The following CEP192 variants were observed in gnomAD, a reference collection of about 807,000 sequenced individuals.
CEP192 encodes centrosomal protein 192.
CEP192 carries 151 observed loss-of-function variants against 271.8 expected under a neutral mutation model. The observed-to-expected ratio is 0.56, with a 90% CI of 0.49 to 0.64. CEP192 has a LOEUF of 0.64. Ranked by LOEUF, CEP192 falls within the 30% of genes least tolerant of loss-of-function variation. CEP192 has a pLI of 0.00. For synonymous variants in CEP192, 995 were observed against 1,076.5 expected (o/e 0.92, Z 1.48); for missense variants, 2,910 against 3,020.5 (o/e 0.96, Z 0.86).
intron 4 of CEP192, among the ~76,000 whole-genome samples, chr18:13,011,573 G>A (rs1411208605): frequency 1.3e-5 from 2 of 152,082 alleles, no homozygotes; most frequent in East Asian, 1.9e-4. Flanking sequence ...CACCTAGTGC[G>A]TGGTGTGATC....
At chr18:13,061,949 G>T (rs1037889418) in intron 21 of CEP192, among the ~76,000 whole-genome samples, 2 of 152,120 alleles carry the variant, frequency 1.3e-5, no homozygotes, top group Admixed American at 6.5e-5. Context: ...CACTATATCA[G>T]ACTGTTGAGC....
rs139326174 is a variant in CEP192 at position 13,013,153 on chromosome 18, T to C, written c.519+128T>C. 136 of 542,134 alleles carry C rather than the reference T, an allele frequency of 2.5e-4. 1 individual carries two copies. In the East Asian group the frequency reaches 4.2e-3, roughly 17 times the overall value. 33.6% of individuals were successfully genotyped at this position (542,134 alleles called of 1,614,324 possible). On this transcript the variant is annotated intron_variant, in intron 5 of 44. Coordinates refer to ENST00000506447, the MANE Select transcript of CEP192 (RefSeq NM_032142.4). ...TTTTTTCTAGTAGAGCTCTAACTTA[T>C]CCAGCTTCAGTAAAAATGGGAGTTT... is the stretch of plus-strand genomic sequence containing the variant.
rs759527226 is a variant in CEP192, at chr18:13,049,177, G to A, written c.2386G>A (p.Ala796Thr). The stretch of plus-strand genomic sequence containing the variant: ...AACAGAAGTTAGTAGATATGAAAGT[G>A]CATTGGAAAACTTTTCAAGGGCTAG... ...KKTEVSRYES[A>T]LENFSRASMS... Residue 796 changes from alanine (A) to threonine (T), a missense_variant, in exon 16 of 45, where the codon GCA becomes ACA. Transcript: ENST00000506447. 1 of 1,613,962 alleles carries A rather than the reference G, an allele frequency of 6.2e-7. No homozygotes were observed. Among genetic ancestry groups the A allele is most frequent in the Non-Finnish European group, 8.5e-7 (1 of 1,179,992 alleles).
At chr18:13,064,285 C>T (rs1458900164) in intron 21 of CEP192, among the ~76,000 whole-genome samples, 2 of 151,488 alleles carry the variant, frequency 1.3e-5, no homozygotes. Context: ...CAGTCTTTTC[C>T]CAAGTGTATG....
At chr18:13,018,284 G>A (rs1352082680) in intron 7 of CEP192, among the ~76,000 whole-genome samples, 196 bp from the exon 8 acceptor site, 1 of 151,994 alleles carries the variant, frequency 6.6e-6, no homozygotes, top group African/African-American at 2.4e-5. Context: ...CTTATTCCCC[G>A]GCAACTCTTC....
chr18:13,114,091 T>C (rs757154963), intron 41 of CEP192, 39 bp from the exon 42 acceptor site: 1 of 1,579,074 alleles, frequency 6.3e-7, no homozygotes. Context: ...TTTCTTAGTT[T>C]TTATTTCTTC....
At chr18:13,098,530 ACATCC>A in intron 36 of CEP192, among the ~76,000 whole-genome samples, 1 of 142,558 alleles carries the variant, frequency 7.0e-6, no homozygotes, top group Non-Finnish European at 1.5e-5. Flanking sequence ...GGCGCTCCTC[ACATCC>A]CAGACTGGGC....
At chr18:13,081,509 A>G (rs910643767) in intron 30 of CEP192, among the ~76,000 whole-genome samples, 2 of 152,126 alleles carry the variant, frequency 1.3e-5, no homozygotes, top group Non-Finnish European at 2.9e-5. Flanking sequence ...TATTGCATCT[A>G]TTTGATTCTT....
At chr18:13,066,963 C>CTGTGTGTGTGTG (rs56795701) in intron 21 of CEP192, among the ~76,000 whole-genome samples, 2,824 of 143,464 alleles carry the variant, frequency 0.02, 85 homozygotes, top group African/African-American at 0.061. Context: ...GTGAGCACGT[C>CTGTGTGTGTGTG]TGTGTGTGTG....
intron 38 of CEP192, among the ~76,000 whole-genome samples, chr18:13,101,576 G>A (rs966039395): frequency 6.6e-6 from 1 of 152,030 alleles, no homozygotes; most frequent in Non-Finnish European, 1.5e-5. Flanking sequence ...CAGTGTTGTC[G>A]GGGGACCTGT....
intron 30 of CEP192, among the ~76,000 whole-genome samples, chr18:13,076,507 A>T (rs1487922252): frequency 1.3e-5 from 2 of 152,038 alleles, no homozygotes; most frequent in Non-Finnish European, 2.9e-5. Flanking sequence ...TGAGCCACGC[A>T]CCCGGCCAAT....
In CEP192 at chr18:13,055,822, A is replaced by G; in HGVS notation, c.3232A>G (p.Ser1078Gly). Reference protein sequence around the residue: ...SELSTTIIQGSPAALEERAME... With the variant: ...SELSTTIIQGGPAALEERAME... Reference sequence around the variant, plus strand: ...GTTGAGTACCACAATTATTCAAGGCAGTCCAGCCGCATTGGAGGAACGGGC... The same window carrying G: ...GTTGAGTACCACAATTATTCAAGGCGGTCCAGCCGCATTGGAGGAACGGGC... The change falls in exon 19 of 45, where the codon AGT (serine) becomes GGT (glycine). Residue 1078 changes from serine (S) to glycine (G), a missense_variant. Transcript: ENST00000506447. 1 of 1,602,070 alleles carries G rather than the reference A, an allele frequency of 6.2e-7. No homozygotes were observed. The highest frequency in any genetic ancestry group is 8.5e-7 in the Non-Finnish European group (1 of 1,175,238).
At chr18:13,019,630 A>C (rs1341415194) in intron 9 of CEP192, among the ~76,000 whole-genome samples, 2 of 152,106 alleles carry the variant, frequency 1.3e-5, no homozygotes, top group African/African-American at 4.8e-5. Context: ...GTGTTATTAT[A>C]GTTTTATAAA....
intron 40 of CEP192, among the ~76,000 whole-genome samples, chr18:13,105,621 T>C (rs1230776737): frequency 1.3e-5 from 2 of 152,258 alleles, no homozygotes; most frequent in Non-Finnish European, 2.9e-5. Flanking sequence ...AAGTAAGTTA[T>C]AGAATGTAGC....
intron 40 of CEP192, among the ~76,000 whole-genome samples, chr18:13,107,071 T>C (rs183318157): frequency 6.6e-6 from 1 of 151,532 alleles, no homozygotes; most frequent in Admixed American, 6.6e-5. Flanking sequence ...ACAGATGTTA[T>C]GTGTGTGTGT....
intron 2 of CEP192, 70 bp from the exon 3 acceptor site, chr18:13,001,387 C>T (rs933133528): frequency 1.6e-5 from 18 of 1,116,736 alleles, no homozygotes; most frequent in South Asian, 1.5e-5. Context: ...TCACGCAGCC[C>T]TATGTCATGA....
rs761761327 is a variant in CEP192 at position 13,114,174 on chromosome 18, G to A, written c.7212G>A (p.Thr2404=). The A allele has an allele frequency of 9.3e-6, 15 of 1,613,834 alleles. No homozygotes were observed. Among genetic ancestry groups the A allele is most frequent in the African/African-American group, 2.7e-5 (2 of 74,898 alleles). Residue 2404 remains threonine, a synonymous_variant, in exon 42 of 45, where the codon ACG becomes ACA. Coordinates refer to ENST00000506447, the MANE Select transcript of CEP192 (RefSeq NM_032142.4). ...ENEPENACLS[T]DSLIKIDHLV... is the part of the protein sequence containing the mutation. ...AGCCTGAAAACGCATGCCTTTCCAC[G>A]GATTCCCTCATTAAAATAGATCATT...
intron 15 of CEP192, among the ~76,000 whole-genome samples, chr18:13,044,096 TCTTAA>T (rs1001364318): frequency 5.9e-5 from 9 of 152,192 alleles, no homozygotes; most frequent in African/African-American, 1.4e-4. Context: ...ATATTATGTT[TCTTAA>T]CTTTATTTTC....
In CEP192 at chr18:13,124,835, A is replaced by G. The variant is rs2040829905; in HGVS notation, c.*65A>G. On this transcript the variant is annotated 3_prime_UTR_variant, in exon 45 of 45. Transcript: ENST00000506447. ...TATTTTGTTAACTTTATCTTTCTAC[A>G]CTACAATTATGCTTTTGTATATATA... The G allele has an allele frequency of 8.0e-7, 1 of 1,254,042 alleles. No homozygotes were observed. The highest frequency in any genetic ancestry group is 1.5e-5 in the African/African-American group (1 of 66,616). The allele number at this position is 1,254,042 out of a possible 1,614,324, so 77.7% of individuals were successfully genotyped here. A position where few individuals can be genotyped will look rare whatever the true frequency, so the allele number is the denominator to read the frequency against.
Sources: gnomAD v4.1 joint callset for allele counts (sites outside exome capture counted in the v4.1 genomes callset) on GRCh38, gnomAD v4.1.1 for gene constraint, MANE v1.5 for transcripts, NCBI Gene and HGNC (gene_info 2026-07-23, HGNC 2026-07-21) for gene names.